Variants in CACNA2D1 observed in about 807,000 individuals in gnomAD.
The protein encoded by CACNA2D1 is voltage-dependent calcium channel subunit alpha-2/delta-1.
In CACNA2D1, 53 loss-of-function variants were observed where a neutral mutation model predicts 171.5. The ratio of observed to expected loss-of-function variants is 0.31; its 90% confidence interval spans 0.25 to 0.39. The LOEUF (loss-of-function observed/expected upper bound fraction) is 0.39, where lower values mean the gene tolerates loss of function less well. Among genes scored for constraint, CACNA2D1 ranks in the 10% least tolerant of loss-of-function variants. The pLI is 1.00. For synonymous variants in CACNA2D1, 442 were observed against 443.1 expected (o/e 1.00, Z 0.03); for missense variants, 903 against 1,299.8 (o/e 0.69, Z 4.69).
At chr7:82,439,100 T>C (rs756248135) in intron 1 of CACNA2D1, among the ~76,000 whole-genome samples, 1 of 152,088 alleles carries the variant, frequency 6.6e-6, no homozygotes, top group Non-Finnish European at 1.5e-5. Flanking sequence ...TCTTGGAAAC[T>C]TGCATCTATA....
chr7:82,345,145 T>C (rs1819102326), intron 2 of CACNA2D1, among the ~76,000 whole-genome samples: 2 of 152,172 alleles, frequency 1.3e-5, no homozygotes. Context: ...TGAGATGACA[T>C]GACCACAATG....
intron 3 of CACNA2D1, among the ~76,000 whole-genome samples, chr7:82,195,283 G>A (rs549177406): frequency 2.8e-4 from 43 of 151,986 alleles, no homozygotes; most frequent in African/African-American, 9.2e-4. Flanking sequence ...GTGGTGTGCC[G>A]TAGAACACAT....
At chr7:82,405,470 T>A (rs1172679888) in intron 1 of CACNA2D1, among the ~76,000 whole-genome samples, 1 of 152,070 alleles carries the variant, frequency 6.6e-6, no homozygotes, top group Non-Finnish European at 1.5e-5. Context: ...CATTGCAACA[T>A]CCCTGGGAAA....
In CACNA2D1 at chr7:81,982,610, G is replaced by T; in HGVS notation, c.1912C>A (p.Pro638Thr). The change falls in exon 24 of 39, where the codon CCA (proline) becomes ACA (threonine). Residue 638 changes from proline (P) to threonine (T), a missense_variant. Pro to Thr is a conservative substitution (Grantham distance 38). Transcript: ENST00000356860. Reference sequence around the variant, plus strand: ...TAGCCAGATTCTTCAAAATTATCTGGCTTCAGGGTTTCCGAATCTGCAAAG... The same window carrying T: ...TAGCCAGATTCTTCAAAATTATCTGTCTTCAGGGTTTCCGAATCTGCAAAG... ...GKMKDSETLK[P>T]DNFEESGYTF... 6.2e-7 allele frequency: 1 copy of T among 1,606,774 alleles called. No homozygotes were observed. The highest frequency in any genetic ancestry group is 8.5e-7 in the Non-Finnish European group (1 of 1,173,752).
In CACNA2D1 at chr7:82,443,535, A is replaced by T; in HGVS notation, c.-76T>A. 1 of 1,563,014 alleles carries T rather than the reference A, an allele frequency of 6.4e-7. No individual in the cohort carries two copies. Among genetic ancestry groups the T allele is most frequent in the Non-Finnish European group, 8.7e-7 (1 of 1,155,142 alleles). On this transcript the variant is annotated 5_prime_UTR_variant, in exon 1 of 39. Coordinates refer to ENST00000356860, the MANE Select transcript of CACNA2D1 (RefSeq NM_000722.4). Reference sequence around the variant, plus strand: ...CGGCGCTGGAAACCGCGGGCGGAGGAAGAGCAGCACACGCCGCCGGGACCG... The same window carrying T: ...CGGCGCTGGAAACCGCGGGCGGAGGTAGAGCAGCACACGCCGCCGGGACCG...
rs1491206479 is a variant in CACNA2D1 at position 82,393,107 on chromosome 7, C to CAGGG, written c.96-43459_96-43458insCCCT. 1.9e-3 allele frequency among the ~76,000 whole-genome samples: 170 copies of CAGGG among 87,900 alleles called. 1 individual carries two copies. The highest frequency in any genetic ancestry group is 7.4e-3 in the African/African-American group (151 of 20,270). The allele number at this position is 87,900 out of a possible 152,430, so 57.7% of individuals were successfully genotyped here. On this transcript the variant is annotated intron_variant, in intron 1 of 38. Transcript: ENST00000356860. Reference sequence around the variant, plus strand: ...GAAGGCAGGCAGGCAGGCAGGCAGGCAGGCAGGGAGGGAGGGAGGGAGGCA... The same window carrying CAGGG: ...GAAGGCAGGCAGGCAGGCAGGCAGGCAGGGAGGCAGGGAGGGAGGGAGGGAGGCA...
intron 3 of CACNA2D1, among the ~76,000 whole-genome samples, chr7:82,316,581 T>C (rs1434742598): frequency 6.6e-6 from 1 of 152,136 alleles, no homozygotes; most frequent in Non-Finnish European, 1.5e-5. Flanking sequence ...AAAAGAAAAC[T>C]AAAGCTATTC....
At chr7:82,214,892 C>T (rs1800944225) in intron 3 of CACNA2D1, among the ~76,000 whole-genome samples, 1 of 152,186 alleles carries the variant, frequency 6.6e-6, no homozygotes, top group Non-Finnish European at 1.5e-5. Flanking sequence ...TATCAACAGT[C>T]TCTTCCTTTT....
chr7:82,222,723 AT>A (rs1801902596), intron 3 of CACNA2D1, among the ~76,000 whole-genome samples: 1 of 151,970 alleles, frequency 6.6e-6, no homozygotes, highest in Non-Finnish European at 1.5e-5. Flanking sequence ...GAGGGCAGGA[AT>A]CTTTTCTTTT....
At chr7:82,225,262 T>G (rs1288742865) in intron 3 of CACNA2D1, among the ~76,000 whole-genome samples, 1 of 152,140 alleles carries the variant, frequency 6.6e-6, no homozygotes, top group Middle Eastern at 3.2e-3. Context: ...AGAGTAGAAA[T>G]TAAGAACTAG....
chr7:82,280,426 C>T (rs982684318), intron 3 of CACNA2D1, among the ~76,000 whole-genome samples: 1 of 152,102 alleles, frequency 6.6e-6, no homozygotes, highest in Non-Finnish European at 1.5e-5. Context: ...TTTGTTTATG[C>T]TAATATCTTC....
At chr7:81,954,541 A>T (rs914809403) in intron 38 of CACNA2D1, among the ~76,000 whole-genome samples, 1 of 151,980 alleles carries the variant, frequency 6.6e-6, no homozygotes, top group East Asian at 1.9e-4. Flanking sequence ...CTGTTGCTAA[A>T]CTCTTACTCT....
At chr7:82,379,861 T>C (rs557235118) in intron 1 of CACNA2D1, among the ~76,000 whole-genome samples, 2 of 152,312 alleles carry the variant, frequency 1.3e-5, no homozygotes, top group African/African-American at 2.4e-5. Flanking sequence ...TCTTTCTTTC[T>C]CTTACCCTTC....
chr7:82,265,776 A>C (rs1807763315), intron 3 of CACNA2D1, among the ~76,000 whole-genome samples: 1 of 151,838 alleles, frequency 6.6e-6, no homozygotes, highest in Non-Finnish European at 1.5e-5. Flanking sequence ...TATACCCTAA[A>C]ATTTTGACTT....
At chr7:82,439,596 CA>C (rs1250619224) in intron 1 of CACNA2D1, among the ~76,000 whole-genome samples, 1 of 151,454 alleles carries the variant, frequency 6.6e-6, no homozygotes, top group Admixed American at 6.6e-5. Flanking sequence ...TATTTTCTTA[CA>C]TTTTTTTCAA....
At chr7:82,010,341 A>G (rs897983389) in intron 15 of CACNA2D1, among the ~76,000 whole-genome samples, 24 of 151,008 alleles carry the variant, frequency 1.6e-4, no homozygotes, top group African/African-American at 5.8e-4. Flanking sequence ...AAATAACGCT[A>G]TATGTGTCCA....
Position 81,950,358 on chromosome 7 carries a change from G to A in CACNA2D1, c.*34C>T. The A allele has an allele frequency of 6.2e-7, 1 of 1,612,800 alleles. No individual in the cohort carries two copies. The highest frequency in any genetic ancestry group is 2.2e-5 in the East Asian group (1 of 44,852). On this transcript the variant is annotated 3_prime_UTR_variant, in exon 39 of 39. Coordinates refer to ENST00000356860, the MANE Select transcript of CACNA2D1 (RefSeq NM_000722.4). ...CAGGGCTCATGTTTTGGCAGGGTCT[G>A]GAGTTTAACTATGCAGATTTGGTTT...
chr7:82,072,803 A>G (rs1808485763), intron 7 of CACNA2D1, among the ~76,000 whole-genome samples: 1 of 152,006 alleles, frequency 6.6e-6, no homozygotes, highest in Non-Finnish European at 1.5e-5. Flanking sequence ...TTTCAGTAAA[A>G]TGGGACTAAT....
chr7:82,048,272 G>T (rs914939558), intron 10 of CACNA2D1, among the ~76,000 whole-genome samples: 1 of 150,772 alleles, frequency 6.6e-6, no homozygotes, highest in Non-Finnish European at 1.5e-5. Context: ...ATGACAAAAA[G>T]ATAGGTAAAG....
Sources: allele counts gnomAD v4.1 joint callset (sites outside exome capture counted in the v4.1 genomes callset), GRCh38; gene constraint gnomAD v4.1.1; transcripts MANE v1.5; gene names NCBI Gene and HGNC (gene_info 2026-07-23, HGNC 2026-07-21).